RPL6: variants seen among roughly 807,000 people sequenced by gnomAD.
RPL6 encodes the protein ribosomal protein L6, also known as large ribosomal subunit protein eL6.
A neutral mutation model predicts 32.1 loss-of-function variants in RPL6; 1 was observed. The observed-to-expected ratio is 0.03, with a 90% confidence interval of 0.01 to 0.15. The LOEUF (loss-of-function observed/expected upper bound fraction) is 0.15, where lower values mean the gene tolerates loss of function less well. Among genes scored for constraint, RPL6 ranks in the 10% least tolerant of loss-of-function variants. The probability of loss-of-function intolerance (pLI) is 1.00; values close to 1 mark genes in which losing one functional copy is unlikely to be tolerated. For missense variants in RPL6, 275 were observed against 354.6 expected, an observed-to-expected ratio of 0.78 and a Z score of 1.80; for synonymous variants, 126 against 131.6, an observed-to-expected ratio of 0.96 and a Z score of 0.29.
intron 3 of RPL6, chr12:112,407,275 T>C (rs552929710): frequency 4.2e-5 from 7 of 166,072 alleles, no homozygotes; most frequent in Non-Finnish European, 5.2e-5. Flanking sequence ...CTTCATCTGA[T>C]CCTCACAGCA....
chr12:112,412,275 G>C (rs1300577353), upstream of RPL6, among the ~76,000 whole-genome samples: 1 of 151,936 alleles, frequency 6.6e-6, no homozygotes, highest in African/African-American at 2.4e-5. Context: ...TCCTGACCTC[G>C]TGATCTGCCC....
At chr12:112,407,022 T>C (rs1322221909) in intron 3 of RPL6, 132 bp from the exon 4 acceptor site, 2 of 888,902 alleles carry the variant, frequency 2.2e-6, no homozygotes, top group East Asian at 2.8e-5. Context: ...GATTCCATTT[T>C]CATTTCTGCT....
intron 1 of RPL6, chr12:112,409,308 C>CT (rs2037286153): frequency 1.3e-5 from 5 of 394,172 alleles, no homozygotes; most frequent in Middle Eastern, 1.3e-3. Flanking sequence ...CCCGCTTCCT[C>CT]TAACACCCAC....
In RPL6 at chr12:112,406,573, A is replaced by C; in HGVS notation, c.480+174T>G. 4 of 955,486 alleles carry C rather than the reference A, an allele frequency of 4.2e-6. No homozygotes were observed. The South Asian group carries it at 5.2e-5, about 13-fold the overall frequency. 59.2% of individuals were successfully genotyped at this position (955,486 alleles called of 1,614,324 possible). A position where few individuals can be genotyped will look rare whatever the true frequency, so the allele number is the denominator to read the frequency against. On this transcript the variant is annotated intron_variant, in intron 4 of 6. Coordinates refer to ENST00000202773, the MANE Select transcript of RPL6 (RefSeq NM_000970.6). ...TAATCAACAGCAGGAAATGGCTAAT[A>C]AATCACCATGGATTACACTTCTTAT... is the stretch of plus-strand genomic sequence containing the variant.
upstream of RPL6, among the ~76,000 whole-genome samples, chr12:112,413,366 C>G (rs2135809528): frequency 2.0e-5 from 3 of 152,092 alleles, no homozygotes; most frequent in Middle Eastern, 0.01. Context: ...GAAACCCCGT[C>G]TCTACTAAAA....
Position 112,405,945 on chromosome 12 carries a change from T to G in RPL6, c.622A>C (p.Ile208Leu). ...TAAGCATCAGTAAGATGTTTTGGGA[T>G]TTTTACATTGCTGATATCGATTTTG... Reference protein sequence around the residue: ...STKIDISNVKIPKHLTDAYFK... With the variant: ...STKIDISNVKLPKHLTDAYFK... The change falls in exon 6 of 7, where the codon ATC (isoleucine) becomes CTC (leucine). Residue 208 changes from isoleucine (I) to leucine (L), a missense_variant. By Grantham distance (5) the Ile-to-Leu change is conservative. Coordinates refer to ENST00000202773, the MANE Select transcript of RPL6 (RefSeq NM_000970.6). 6.2e-7 allele frequency: 1 copy of G among 1,614,116 alleles called. No homozygotes were observed. Among genetic ancestry groups the G allele is most frequent in the Non-Finnish European group, 8.5e-7 (1 of 1,179,980 alleles).
intron 1 of RPL6, among the ~76,000 whole-genome samples, chr12:112,416,595 G>A (rs1354801918): frequency 1.3e-5 from 2 of 152,062 alleles, no homozygotes; most frequent in Non-Finnish European, 2.9e-5. Context: ...TGTATTTTTA[G>A]TAGAGACGAG....
upstream of RPL6, among the ~76,000 whole-genome samples, chr12:112,411,802 T>C (rs1385421367): frequency 1.3e-5 from 2 of 152,224 alleles, no homozygotes. Context: ...TTATTAAGTT[T>C]AGTTTTGCCA....
At chr12:112,408,865 C>CT (rs970358742) in intron 1 of RPL6, 161 of 510,828 alleles carry the variant, frequency 3.2e-4, no homozygotes, top group East Asian at 5.0e-4. Context: ...ACACTATAAA[C>CT]TTTTTTTTTG....
At position 112,408,058 on chromosome 12, in the gene RPL6, G is replaced by T. The variant is rs909397537; in HGVS notation, c.336+182C>A. On this transcript the variant is annotated intron_variant, in intron 3 of 6. Coordinates refer to ENST00000202773, the MANE Select transcript of RPL6 (RefSeq NM_000970.6). ...ATATGCAAAGGAACAAAGCACAGAC[G>T]AGTAATTTAAATTACTTAAGATTAA... is the stretch of plus-strand genomic sequence containing the variant. 17 of 600,642 alleles carry T rather than the reference G, an allele frequency of 2.8e-5. No individual in the cohort carries two copies. The African/African-American group carries it at 3.0e-4, about 11-fold the overall frequency. The allele number at this position is 600,642 out of a possible 1,614,324, so 37.2% of individuals were successfully genotyped here. A position where few individuals can be genotyped will look rare whatever the true frequency, so the allele number is the denominator to read the frequency against.
At chr12:112,409,293 G>C (rs374820267) in intron 1 of RPL6, 1 of 391,936 alleles carries the variant, frequency 2.6e-6, no homozygotes. Flanking sequence ...TGCACGCGCC[G>C]TCTCCCCGCT....
At chr12:112,418,747 G>A in exon 1 of RPL6, 1 of 374,650 alleles carries the variant, frequency 2.7e-6, no homozygotes. Context: ...GCGGTTTCCA[G>A]GAGGAAGCAA....
intron 1 of RPL6, chr12:112,409,261 G>C (rs2037283586): frequency 5.2e-6 from 2 of 387,560 alleles, no homozygotes; most frequent in South Asian, 2.9e-4. Context: ...TCATCCTCTG[G>C]AACCCAGGAC....
intron 2 of RPL6, 28 bp downstream of exon 2, chr12:112,408,392 A>T: frequency 6.2e-7 from 1 of 1,613,816 alleles, no homozygotes; most frequent in Non-Finnish European, 8.5e-7. Flanking sequence ...AGGTTAAGAC[A>T]TAATGGTCCG....
upstream of RPL6, among the ~76,000 whole-genome samples, chr12:112,414,298 A>C (rs2037376535): frequency 6.6e-6 from 1 of 152,262 alleles, no homozygotes. Flanking sequence ...AACCTCCTTC[A>C]TACAACAGGG....
upstream of RPL6, among the ~76,000 whole-genome samples, chr12:112,411,779 A>G (rs2037343689): frequency 6.6e-6 from 1 of 152,222 alleles, no homozygotes; most frequent in African/African-American, 2.4e-5. Flanking sequence ...TGTTAGTTAT[A>G]AAGTAAATGT....
chr12:112,412,038 C>G (rs1249736151), upstream of RPL6, among the ~76,000 whole-genome samples: 1 of 151,558 alleles, frequency 6.6e-6, no homozygotes, highest in Non-Finnish European at 1.5e-5. Context: ...CGCTACCACA[C>G]CTGGCTAATT....
At chr12:112,411,777 A>G (rs2037343621), upstream of RPL6, among the ~76,000 whole-genome samples, 1 of 152,230 alleles carries the variant, frequency 6.6e-6, no homozygotes, top group Non-Finnish European at 1.5e-5. Flanking sequence ...CATGTTAGTT[A>G]TAAAGTAAAT....
In RPL6 at chr12:112,406,883, T is replaced by C. The variant is rs1671634143; in HGVS notation, c.344A>G (p.Tyr115Cys). The C allele has an allele frequency of 6.2e-7, 1 of 1,614,134 alleles. No homozygotes were observed. Among genetic ancestry groups the C allele is most frequent in the African/African-American group, 1.3e-5 (1 of 74,950 alleles). Reference sequence around the variant, plus strand: ...TCGAGGCACATCTTCAGTAGGATAATATCTAGGCTGTGGAGAGTCCATAGA... The same window carrying C: ...TCGAGGCACATCTTCAGTAGGATAACATCTAGGCTGTGGAGAGTCCATAGA... ...RVVKLRKMPR[Y>C]YPTEDVPRKL... Residue 115 changes from tyrosine (Y) to cysteine (C), a missense_variant, in exon 4 of 7, where the codon TAT becomes TGT. Coordinates refer to ENST00000202773, the MANE Select transcript of RPL6 (RefSeq NM_000970.6).
Sources: gnomAD v4.1 joint callset for allele counts (sites outside exome capture counted in the v4.1 genomes callset) on GRCh38, gnomAD v4.1.1 for gene constraint, MANE v1.5 for transcripts, NCBI Gene and HGNC (gene_info 2026-07-23, HGNC 2026-07-21) for gene names.